The following NTAN1 variants were observed in gnomAD, a reference collection of about 807,000 sequenced individuals.
The protein encoded by NTAN1 is protein N-terminal asparagine amidohydrolase.
Under a neutral mutation model 41.9 loss-of-function variants are expected in NTAN1, and 32 were observed. The observed-to-expected ratio is 0.76, with a 90% confidence interval of 0.58 to 1.03. The LOEUF is 1.03. Among genes scored for constraint, NTAN1 ranks in the 50% least tolerant of loss-of-function variants. The pLI is 0.00. For missense variants in NTAN1, 377 were observed against 377.5 expected (o/e 1.00, Z 0.01); for synonymous variants, 140 against 139.5 (o/e 1.00, Z -0.03).
chr16:15,043,364 C>G (rs1307867605), intron 5 of NTAN1, among the ~76,000 whole-genome samples: 1 of 152,172 alleles, frequency 6.6e-6, no homozygotes, highest in Non-Finnish European at 1.5e-5. Flanking sequence ...AGAGTTATGG[C>G]GAGACCCTGT....
intron 6 of NTAN1, 43 bp from the exon 7 acceptor site, chr16:15,041,164 C>T (rs757907841): frequency 5.3e-5 from 64 of 1,208,102 alleles, no homozygotes; most frequent in Non-Finnish European, 7.7e-5. Context: ...TAAAGAAATA[C>T]CAAATGATTA....
Position 15,041,690 on chromosome 16 carries a change from T to C in NTAN1, c.434-14A>G. 1 of 1,597,808 alleles carries C rather than the reference T, an allele frequency of 6.3e-7. No individual in the cohort carries two copies. Among genetic ancestry groups the C allele is most frequent in the Non-Finnish European group, 8.6e-7 (1 of 1,165,228 alleles). ...TGTCAAATTCACCTATGATGAGAAT[T>C]TTAAGACCAGAAGTCAGAAAAGTTC... is the stretch of plus-strand genomic sequence containing the variant. On this transcript the variant is annotated splice_polypyrimidine_tract_variant and intron_variant, in intron 5 of 9. Coordinates refer to ENST00000287706, the MANE Select transcript of NTAN1 (RefSeq NM_173474.4).
intron 7 of NTAN1, 38 bp from the exon 8 acceptor site, chr16:15,040,104 G>T: frequency 8.6e-7 from 1 of 1,167,362 alleles, no homozygotes; most frequent in Non-Finnish European, 1.3e-6. Context: ...ATTGACAAAA[G>T]ACCAAAGCGG....
chr16:15,051,852 C>G (rs1039076612), intron 1 of NTAN1, among the ~76,000 whole-genome samples: 10 of 152,094 alleles, frequency 6.6e-5, no homozygotes, highest in Admixed American at 1.3e-4. Flanking sequence ...CACAGGCGCA[C>G]GCCACCACAC....
chr16:15,044,304 T>C, intron 5 of NTAN1, 30 bp downstream of exon 5: 2 of 1,514,824 alleles, frequency 1.3e-6, no homozygotes, highest in South Asian at 1.1e-5. Flanking sequence ...TATGTCCAAT[T>C]TGGGGGAAAG....
Position 15,038,152 on chromosome 16 carries a change from G to T in NTAN1, c.812C>A (p.Thr271Asn), listed in dbSNP as rs1454684927. ...PPHFVEHIRS[T>N]LMFLKKHPSP... ...TGGGTGTTTTTTTAAAAACATCAAG[G>T]TAGATCTAATATGTTCAACAAAGTG... is the stretch of plus-strand genomic sequence containing the variant. Residue 271 changes from threonine (T) to asparagine (N), a missense_variant, in exon 10 of 10, where the codon ACC becomes AAC. Transcript: ENST00000287706. 1 of 1,613,160 alleles carries T rather than the reference G, an allele frequency of 6.2e-7. No homozygotes were observed. Among genetic ancestry groups the T allele is most frequent in the East Asian group, 2.2e-5 (1 of 44,856 alleles).
At chr16:15,042,154 A>G (rs2043843945) in intron 5 of NTAN1, among the ~76,000 whole-genome samples, 1 of 151,652 alleles carries the variant, frequency 6.6e-6, no homozygotes, top group Non-Finnish European at 1.5e-5. Flanking sequence ...TTCTAAGCTC[A>G]GCAGAGCTGA....
chr16:15,050,022 T>C (rs779389818), intron 1 of NTAN1, among the ~76,000 whole-genome samples: 2 of 152,206 alleles, frequency 1.3e-5, no homozygotes, highest in Non-Finnish European at 2.9e-5. Context: ...ACATGAGTGA[T>C]TTCCTGTTGC....
At chr16:15,043,925 G>A (rs2151701743) in intron 5 of NTAN1, among the ~76,000 whole-genome samples, 1 of 151,952 alleles carries the variant, frequency 6.6e-6, no homozygotes, top group Middle Eastern at 3.4e-3. Flanking sequence ...TCCAACTTGG[G>A]CAACAGAGCA....
chr16:15,041,519 A>C (rs554179142), intron 6 of NTAN1, 104 bp downstream of exon 6: 1 of 816,634 alleles, frequency 1.2e-6, no homozygotes, highest in East Asian at 2.4e-5. Context: ...ATGGTGGCCA[A>C]GCAGTGACAG....
chr16:15,038,132 GT>G lies in NTAN1; in HGVS notation c.831del (p.Lys277AsnfsTer83). The G allele has an allele frequency of 6.2e-7, 1 of 1,612,152 alleles. No homozygotes were observed. Among genetic ancestry groups the G allele is most frequent in the Non-Finnish European group, 8.5e-7 (1 of 1,178,342 alleles). On this transcript the variant is annotated frameshift_variant, in exon 10 of 10. Coordinates refer to ENST00000287706, the MANE Select transcript of NTAN1 (RefSeq NM_173474.4). LOFTEE classifies it high-confidence loss of function. ...AACAGTGTGTGAGCTGGAGATGGGT[GT>G]TTTTTTAAAAACATCAAGGTAGATC... ...HIRSTLMFLK[K>X]HPSPAHTLFS...
chr16:15,041,697 C>G (rs762385332), intron 5 of NTAN1, 21 bp from the exon 6 acceptor site: 2 of 1,586,856 alleles, frequency 1.3e-6, no homozygotes, highest in South Asian at 2.2e-5. Flanking sequence ...AATTTTAAGA[C>G]CAGAAGTCAG....
At chr16:15,047,576 A>G in intron 3 of NTAN1, 26 bp from the exon 4 acceptor site, 1 of 1,521,306 alleles carries the variant, frequency 6.6e-7, no homozygotes, top group Non-Finnish European at 9.1e-7. Flanking sequence ...GAAAGGACTC[A>G]AGTTATTCCC....
chr16:15,047,877 G>T lies in NTAN1; in HGVS notation c.228C>A (p.His76Gln). The change falls in exon 3 of 10, where the codon CAC becomes CAA. Residue 76 changes from histidine (H) to glutamine (Q), a missense_variant. By Grantham distance (24) the His-to-Gln change is conservative. Coordinates refer to ENST00000287706, the MANE Select transcript of NTAN1 (RefSeq NM_173474.4). ...ILGSDDATTC[H>Q]IVVLRHTGNG... ...TACCTGTGTGCCTCAGGACCACAAT[G>T]TGACAAGTAGTGGCATCATCAGAAC... The T allele has an allele frequency of 3.7e-6, 6 of 1,613,518 alleles. No individual in the cohort carries two copies. The highest frequency in any genetic ancestry group is 5.1e-6 in the Non-Finnish European group (6 of 1,179,404).
At chr16:15,043,756 T>C (rs920910646) in intron 5 of NTAN1, among the ~76,000 whole-genome samples, 2 of 152,178 alleles carry the variant, frequency 1.3e-5, no homozygotes, top group African/African-American at 4.8e-5. Context: ...ACAACCAGCC[T>C]GGCCAACATG....
intron 4 of NTAN1, among the ~76,000 whole-genome samples, chr16:15,046,557 A>G (rs2044072034): frequency 6.6e-6 from 1 of 152,134 alleles, no homozygotes. Context: ...CACCCAGGCT[A>G]GAGGCCGCTT....
At position 15,054,597 on chromosome 16, in the gene NTAN1, T is replaced by A. The variant is rs1324190247; in HGVS notation, c.81+1294A>T. Among the ~76,000 whole-genome samples, 5 of 152,176 alleles carry A rather than the reference T, an allele frequency of 3.3e-5. No individual in the cohort carries two copies. The East Asian group carries it at 9.6e-4, about 29-fold the overall frequency. ...GTGCATGTTGGCTAACAGACGATGGTCGGTCCTGAAATGCAAGCTGAGAAT... is the reference window on the plus strand; with the variant it reads ...GTGCATGTTGGCTAACAGACGATGGACGGTCCTGAAATGCAAGCTGAGAAT... On this transcript the variant is annotated intron_variant, in intron 1 of 9. Transcript: ENST00000287706.
chr16:15,043,127 T>C (rs1265457540), intron 5 of NTAN1, among the ~76,000 whole-genome samples: 1 of 152,182 alleles, frequency 6.6e-6, no homozygotes, highest in Non-Finnish European at 1.5e-5. Context: ...CTTGAACTTC[T>C]GACCTCAAGT....
In NTAN1 at chr16:15,038,614, A is replaced by G; in HGVS notation, c.713T>C (p.Val238Ala). The change falls in exon 9 of 10, where the codon GTG becomes GCG. Residue 238 changes from valine to alanine, a missense_variant. By Grantham distance (64) the Val-to-Ala change is moderately conservative. Coordinates refer to ENST00000287706, the MANE Select transcript of NTAN1 (RefSeq NM_173474.4). ...GTCATCTTGGTGCAACCAGAAATCC[A>G]CATGTGGAAATGGTGTCCAGGAGTA... ...GPYSWTPFPH[V>A]DFWLHQDDKQ... The G allele has an allele frequency of 6.2e-7, 1 of 1,609,058 alleles. No individual in the cohort carries two copies.
Sources: allele counts gnomAD v4.1 joint callset (sites outside exome capture counted in the v4.1 genomes callset), GRCh38; gene constraint gnomAD v4.1.1; transcripts MANE v1.5; gene names NCBI Gene and HGNC (gene_info 2026-07-23, HGNC 2026-07-21).